ABCC11: variants seen among roughly 807,000 people sequenced by gnomAD.
ABCC11 encodes ATP binding cassette subfamily C member 11.
ABCC11 carries 135 observed loss-of-function variants against 149.3 expected under a neutral mutation model. That is an observed-to-expected ratio of 0.90 (90% CI 0.79 to 1.04). The LOEUF is 1.04. Ranked by LOEUF, ABCC11 falls within the 50% of genes least tolerant of loss-of-function variation. The pLI is 0.00. For synonymous variants in ABCC11, 665 were observed against 671.4 expected (o/e 0.99, Z 0.15); for missense variants, 1,680 against 1,722.1 (o/e 0.98, Z 0.43).
At chr16:48,240,379 A>G (rs2150939209) in intron 1 of ABCC11, among the ~76,000 whole-genome samples, 1 of 152,354 alleles carries the variant, frequency 6.6e-6, no homozygotes, top group Admixed American at 6.5e-5. Context: ...TTGCAGGGAC[A>G]TGGATGGAGC....
chr16:48,242,799 G>T (rs958252284), intron 1 of ABCC11, among the ~76,000 whole-genome samples: 1 of 151,724 alleles, frequency 6.6e-6, no homozygotes, highest in African/African-American at 2.4e-5. Flanking sequence ...CGCAAAGACC[G>T]AAAACAAAAC....
chr16:48,193,727 TG>T, intron 19 of ABCC11, 151 bp downstream of exon 19: 1 of 611,324 alleles, frequency 1.6e-6, no homozygotes, highest in East Asian at 2.9e-5. Flanking sequence ...CCCAGAGTCC[TG>T]GCTCCCCACG....
At chr16:48,227,096 C>T (rs1970121388) in intron 4 of ABCC11, among the ~76,000 whole-genome samples, 1 of 152,140 alleles carries the variant, frequency 6.6e-6, no homozygotes, top group Non-Finnish European at 1.5e-5. Context: ...GGAGACTGGG[C>T]CACTTACCCA....
chr16:48,167,372 G>A lies in ABCC11; in HGVS notation c.4057-6C>T, dbSNP rs768235718. 1.4e-6 allele frequency: 2 copies of A among 1,392,520 alleles called. No homozygotes were observed. Among genetic ancestry groups the A allele is most frequent in the East Asian group, 4.6e-5 (2 of 43,872 alleles). The allele number at this position is 1,392,520 out of a possible 1,614,324, so 86.3% of individuals were successfully genotyped here. A position where few individuals can be genotyped will look rare whatever the true frequency, so the allele number is the denominator to read the frequency against. On this transcript the variant is annotated splice_region_variant and splice_polypyrimidine_tract_variant and intron_variant, in intron 29 of 29. Coordinates refer to ENST00000356608, the MANE Select transcript of ABCC11 (RefSeq NM_001370497.1). The stretch of plus-strand genomic sequence containing the variant: ...GGCCGATCAAATTCTACCACCTGGA[G>A]GGTAGAGAAAGGCGAGGGGAGGATC...
chr16:48,198,416 C>G (rs1596736861), intron 15 of ABCC11, 141 bp from the exon 16 acceptor site: 1 of 943,408 alleles, frequency 1.1e-6, no homozygotes, highest in Non-Finnish European at 1.6e-6. Context: ...AAAAGTTGGA[C>G]AACTCCAAGT....
intron 15 of ABCC11, among the ~76,000 whole-genome samples, chr16:48,198,895 G>C (rs1045697885): frequency 6.6e-6 from 1 of 152,024 alleles, no homozygotes; most frequent in Non-Finnish European, 1.5e-5. Flanking sequence ...AAATCAGCCA[G>C]GTGTGGTGGC....
rs139032925 is a variant in ABCC11, at chr16:48,216,242, C to A, written c.823G>T (p.Val275Leu). The change falls in exon 7 of 30, where the codon GTG (valine) becomes TTG (leucine). Residue 275 changes from valine to leucine, a missense_variant. Coordinates refer to ENST00000356608, the MANE Select transcript of ABCC11 (RefSeq NM_001370497.1). ...ATCAGTACTAGGGGTCCATAGCACACCCCTTCAAACAGGTAGTTTACATCA... is the reference window on the plus strand; with the variant it reads ...ATCAGTACTAGGGGTCCATAGCACAACCCTTCAAACAGGTAGTTTACATCA... ...TGDVNYLFEG[V>L]CYGPLVLITC... 310 of 1,613,980 alleles carry A rather than the reference C, an allele frequency of 1.9e-4. No homozygotes were observed. The highest frequency in any genetic ancestry group is 2.5e-4 in the Non-Finnish European group (297 of 1,179,996).
At chr16:48,186,343 T>C (rs1966742770) in intron 22 of ABCC11, among the ~76,000 whole-genome samples, 1 of 152,230 alleles carries the variant, frequency 6.6e-6, no homozygotes, top group Admixed American at 6.5e-5. Context: ...TCTCTTATGC[T>C]ATCTACCTTC....
At chr16:48,221,302 C>T (rs1969719596) in intron 6 of ABCC11, among the ~76,000 whole-genome samples, 1 of 152,100 alleles carries the variant, frequency 6.6e-6, no homozygotes, top group Admixed American at 6.5e-5. Flanking sequence ...CAAAGTAACC[C>T]ACAACCCTCG....
intron 1 of ABCC11, among the ~76,000 whole-genome samples, chr16:48,234,664 C>T (rs1367040079): frequency 6.6e-6 from 1 of 152,082 alleles, no homozygotes; most frequent in Non-Finnish European, 1.5e-5. Flanking sequence ...GAAGGGCTTC[C>T]CAGAAGTGTC....
intron 1 of ABCC11, among the ~76,000 whole-genome samples, chr16:48,245,251 C>T (rs1017665218): frequency 1.3e-5 from 2 of 152,162 alleles, no homozygotes; most frequent in Non-Finnish European, 2.9e-5. Context: ...CTTTCTGGAA[C>T]TTTCCTAGCT....
chr16:48,226,712 C>G (rs1051703193), intron 4 of ABCC11, among the ~76,000 whole-genome samples: 2 of 152,030 alleles, frequency 1.3e-5, no homozygotes, highest in African/African-American at 2.4e-5. Flanking sequence ...TTTTTTCTTA[C>G]CAAATAGGTC....
chr16:48,213,977 G>C (rs1159902459), intron 9 of ABCC11, among the ~76,000 whole-genome samples: 1 of 152,142 alleles, frequency 6.6e-6, no homozygotes, highest in Non-Finnish European at 1.5e-5. Flanking sequence ...TTAGATGTTT[G>C]TTTTCTTTCT....
intron 1 of ABCC11, among the ~76,000 whole-genome samples, chr16:48,246,633 T>A (rs1567303397): frequency 6.6e-6 from 1 of 152,192 alleles, no homozygotes; most frequent in East Asian, 1.9e-4. Context: ...TGCAGTGGCG[T>A]GATCGTAGCC....
chr16:48,202,566 G>A (rs1289798442), intron 14 of ABCC11, among the ~76,000 whole-genome samples: 6 of 150,834 alleles, frequency 4.0e-5, no homozygotes, highest in Admixed American at 6.6e-5. Context: ...AGTCGAGATC[G>A]CACCACTGCA....
At chr16:48,196,158 G>A (rs931210935) in intron 18 of ABCC11, 74 bp downstream of exon 18, 26 of 1,481,374 alleles carry the variant, frequency 1.8e-5, no homozygotes, top group Middle Eastern at 1.9e-4. Context: ...ATGACCTCAC[G>A]TGTTCCAATC....
rs570237767 is a variant in ABCC11 at position 48,170,884 on chromosome 16, C to T, written c.3777+5G>A. 1.2e-6 allele frequency: 2 copies of T among 1,612,180 alleles called. No homozygotes were observed. The highest frequency in any genetic ancestry group is 2.2e-5 in the South Asian group (2 of 91,058). ...GACCAAGACTTGGGCCTTGGAGCTA[C>T]TTACGGCCTTGGTCAGGAATGTCCT... On this transcript the variant is annotated splice_donor_5th_base_variant and intron_variant, in intron 27 of 29. Coordinates refer to ENST00000356608, the MANE Select transcript of ABCC11 (RefSeq NM_001370497.1).
intron 24 of ABCC11, 65 bp from the exon 25 acceptor site, chr16:48,177,178 C>T: frequency 6.6e-7 from 1 of 1,512,098 alleles, no homozygotes; most frequent in Non-Finnish European, 8.9e-7. Flanking sequence ...CCCCTGCGGG[C>T]CTGCCAGCCT....
At chr16:48,244,083 A>G (rs968262986) in intron 1 of ABCC11, 1 of 288,574 alleles carries the variant, frequency 3.5e-6, no homozygotes, top group Non-Finnish European at 6.4e-6. Context: ...AGAAAACGTT[A>G]AAAACACTTC....
Sources: allele counts gnomAD v4.1 joint callset (sites outside exome capture counted in the v4.1 genomes callset), GRCh38; gene constraint gnomAD v4.1.1; transcripts MANE v1.5; gene names NCBI Gene and HGNC (gene_info 2026-07-23, HGNC 2026-07-21).